TMEM107: variants seen among roughly 807,000 people sequenced by gnomAD.
TMEM107 encodes transmembrane protein 107.
TMEM107 carries 18 observed loss-of-function variants against 16.8 expected under a neutral mutation model. The ratio of observed to expected loss-of-function variants is 1.07; its 90% CI spans 0.74 to 1.59. The LOEUF (loss-of-function observed/expected upper bound fraction) is 1.59, where lower values mean the gene tolerates loss of function less well. Among genes scored for constraint, TMEM107 ranks in the 40% most tolerant of loss-of-function variants. The pLI is 0.00. For synonymous variants in TMEM107, 68 were observed against 71.6 expected (o/e 0.95, Z 0.25); for missense variants, 152 against 175.4 (o/e 0.87, Z 0.75).
At position 8,173,566 on chromosome 17, in the gene TMEM107, T is replaced by A. The variant is rs369486184; in HGVS notation, c.*637A>T. On this transcript the variant is annotated 3_prime_UTR_variant, in exon 5 of 5. Transcript: ENST00000437139. ...ATCTGCCCTCCGGAGGAGGAACAGG[T>A]AAGGATTATCCCACCTGACGATACA... is the stretch of plus-strand genomic sequence containing the variant. 19 of 765,256 alleles carry A rather than the reference T, an allele frequency of 2.5e-5. No homozygotes were observed. Among genetic ancestry groups the A allele is most frequent in the Non-Finnish European group, 3.3e-5 (14 of 417,946 alleles). The allele number at this position is 765,256 out of a possible 1,614,324, so 47.4% of individuals were successfully genotyped here.
chr17:8,175,460 G>A (rs1020438183), intron 3 of TMEM107: 4 of 593,860 alleles, frequency 6.7e-6, no homozygotes, highest in Non-Finnish European at 1.2e-5. Context: ...AAAAAGAAAC[G>A]GTGGGGTTTT....
intron 3 of TMEM107, 161 bp from the exon 4 acceptor site, chr17:8,174,777 A>G: frequency 1.5e-6 from 1 of 662,442 alleles, no homozygotes; most frequent in South Asian, 1.7e-5. Context: ...GAATTTTAGG[A>G]CAGTCATGTG....
At position 8,173,347 on chromosome 17, in the gene TMEM107, A is replaced by C. The variant is rs1482389791; in HGVS notation, c.*856T>G. On this transcript the variant is annotated 3_prime_UTR_variant, in exon 5 of 5. Transcript: ENST00000437139. ...AAAATAGACAAACAGCAATAGCAAG[A>C]CTGCAAAATAGACAAACAGCAAGGT... The C allele has an allele frequency of 8.3e-6, 5 of 602,122 alleles. No homozygotes were observed. Among genetic ancestry groups the C allele is most frequent in the Non-Finnish European group, 1.5e-5 (5 of 331,600 alleles). The allele number at this position is 602,122 out of a possible 1,614,324, so 37.3% of individuals were successfully genotyped here.
At chr17:8,175,594 A>G (rs193135549) in intron 3 of TMEM107, 163 bp downstream of exon 3, 1 of 756,300 alleles carries the variant, frequency 1.3e-6, no homozygotes, top group East Asian at 2.5e-5. Flanking sequence ...TTTTACTCTC[A>G]TTTTGGGATT....
chr17:8,173,242 A>G lies in TMEM107; in HGVS notation c.*961T>C. ...GACAAAAAACAAAGAGCCCATTTGTATTATTTCACTGCCTAAATTCCAGAA... is the reference window on the plus strand; with the variant it reads ...GACAAAAAACAAAGAGCCCATTTGTGTTATTTCACTGCCTAAATTCCAGAA... On this transcript the variant is annotated 3_prime_UTR_variant, in exon 5 of 5. Coordinates refer to ENST00000437139, the MANE Select transcript of TMEM107 (RefSeq NM_183065.4). 2 of 498,662 alleles carry G rather than the reference A, an allele frequency of 4.0e-6. No individual in the cohort carries two copies. Among genetic ancestry groups the G allele is most frequent in the Non-Finnish European group, 7.2e-6 (2 of 277,696 alleles). The allele number at this position is 498,662 out of a possible 1,614,324, so 30.9% of individuals were successfully genotyped here.
Position 8,174,358 on chromosome 17 carries a change from G to A in TMEM107, c.354-86C>T, listed in dbSNP as rs79161162. The A allele has an allele frequency of 4.8e-4, 670 of 1,390,112 alleles. 2 individuals are homozygous for A. In the African/African-American group the frequency reaches 7.7e-3, roughly 16 times the overall value. 86.1% of individuals were successfully genotyped at this position (1,390,112 alleles called of 1,614,324 possible). A position where few individuals can be genotyped will look rare whatever the true frequency, so the allele number is the denominator to read the frequency against. Reference sequence around the variant, plus strand: ...CAGAGACCCCACCTCTGAAAGTGTAGGGCAGGTGGCATGGGGGGTAGGGGA... The same window carrying A: ...CAGAGACCCCACCTCTGAAAGTGTAAGGCAGGTGGCATGGGGGGTAGGGGA... On this transcript the variant is annotated intron_variant, in intron 4 of 4. Transcript: ENST00000437139.
rs749582557 is a variant in TMEM107, at chr17:8,173,526, AATC to A, written c.*674_*676del. ...CGTTAATCACGTTTCATGCATCTCCAATCATCATGTTCTAATCTGCCCTCCGGA... is the reference window on the plus strand; with the variant it reads ...CGTTAATCACGTTTCATGCATCTCCAATCATGTTCTAATCTGCCCTCCGGA... On this transcript the variant is annotated 3_prime_UTR_variant, in exon 5 of 5. Coordinates refer to ENST00000437139, the MANE Select transcript of TMEM107 (RefSeq NM_183065.4). 7.8e-6 allele frequency: 6 copies of A among 765,310 alleles called. No homozygotes were observed. Among genetic ancestry groups the A allele is most frequent in the South Asian group, 2.7e-5 (2 of 74,624 alleles). 47.4% of individuals were successfully genotyped at this position (765,310 alleles called of 1,614,324 possible). A position where few individuals can be genotyped will look rare whatever the true frequency, so the allele number is the denominator to read the frequency against.
chr17:8,175,640 G>C (rs972589184), intron 3 of TMEM107, 117 bp downstream of exon 3: 2 of 927,324 alleles, frequency 2.2e-6, no homozygotes, highest in Non-Finnish European at 1.8e-6. Flanking sequence ...TTAGCACATC[G>C]TTGAAGATCT....
chr17:8,173,821 G>A lies in TMEM107; in HGVS notation c.*382C>T. On this transcript the variant is annotated 3_prime_UTR_variant, in exon 5 of 5. Transcript: ENST00000437139. ...TACGTGCCGGACGTTCTAACTGTAC[G>A]CACTTTCTATTTACATATCTCCGCC... is the stretch of plus-strand genomic sequence containing the variant. 1 of 496,258 alleles carries A rather than the reference G, an allele frequency of 2.0e-6. No homozygotes were observed. The allele number at this position is 496,258 out of a possible 1,614,324, so 30.7% of individuals were successfully genotyped here.
At chr17:8,175,916 C>T (rs1567554547) in intron 2 of TMEM107, 43 bp downstream of exon 2, 2 of 1,614,156 alleles carry the variant, frequency 1.2e-6, no homozygotes, top group South Asian at 2.2e-5. Flanking sequence ...CCCCTCCACT[C>T]CCACCACCTC....
rs118072727 is a variant in TMEM107 at position 8,173,429 on chromosome 17, C to T, written c.*774G>A. 134 of 759,308 alleles carry T rather than the reference C, an allele frequency of 1.8e-4. No homozygotes were observed. In the East Asian group the frequency reaches 3.0e-3, roughly 17 times the overall value. The allele number at this position is 759,308 out of a possible 1,614,324, so 47.0% of individuals were successfully genotyped here. A position where few individuals can be genotyped will look rare whatever the true frequency, so the allele number is the denominator to read the frequency against. The stretch of plus-strand genomic sequence containing the variant: ...TGGATATCTGCTAATCAGCATAACA[C>T]AAATGTAAGTGATCGTCAGAAAGAA... On this transcript the variant is annotated 3_prime_UTR_variant, in exon 5 of 5. Transcript: ENST00000437139.
chr17:8,174,380 G>T, intron 4 of TMEM107, 108 bp from the exon 5 acceptor site: 1 of 1,312,116 alleles, frequency 7.6e-7, no homozygotes, highest in South Asian at 1.2e-5. Flanking sequence ...TGGGGGGTAG[G>T]GGATGAAACT....
At position 8,173,462 on chromosome 17, in the gene TMEM107, G is replaced by C. The variant is rs374135155; in HGVS notation, c.*741C>G. On this transcript the variant is annotated 3_prime_UTR_variant, in exon 5 of 5. Coordinates refer to ENST00000437139, the MANE Select transcript of TMEM107 (RefSeq NM_183065.4). Reference sequence around the variant, plus strand: ...AGTGATCGTCAGAAAGAATCAGACAGGAGCAATCAGGGTGTTGCAAGTCCT... The same window carrying C: ...AGTGATCGTCAGAAAGAATCAGACACGAGCAATCAGGGTGTTGCAAGTCCT... The C allele has an allele frequency of 3.7e-5, 28 of 763,996 alleles. No individual in the cohort carries two copies. Among genetic ancestry groups the C allele is most frequent in the Middle Eastern group, 2.6e-4 (1 of 3,786 alleles). The allele number at this position is 763,996 out of a possible 1,614,324, so 47.3% of individuals were successfully genotyped here.
Position 8,173,945 on chromosome 17 carries a change from T to A in TMEM107, c.*258A>T. The stretch of plus-strand genomic sequence containing the variant: ...CTAGAAAACAGCGTTGTTTTTTTTT[T>A]ATTCAGTAGTTCAGCCATCTCAATT... On this transcript the variant is annotated 3_prime_UTR_variant, in exon 5 of 5. Transcript: ENST00000437139. 1 of 507,604 alleles carries A rather than the reference T, an allele frequency of 2.0e-6. No homozygotes were observed. The highest frequency in any genetic ancestry group is 3.5e-6 in the Non-Finnish European group (1 of 286,122). The allele number at this position is 507,604 out of a possible 1,614,324, so 31.4% of individuals were successfully genotyped here.
chr17:8,176,230 C>A lies in TMEM107; in HGVS notation c.57G>T (p.Leu19=). The A allele has an allele frequency of 6.2e-7, 1 of 1,614,112 alleles. No homozygotes were observed. Among genetic ancestry groups the A allele is most frequent in the South Asian group, 1.1e-5 (1 of 91,078 alleles). ...PSRFLTLLAH[L]VVVITLFWSR... ...ACCAGAATAAGGTGATGACGACCAC[C>A]AGATGCGCCAGGAGCGTCAGGAAGC... The change falls in exon 1 of 5, where the codon CTG becomes CTT. Residue 19 remains leucine, a synonymous_variant. Coordinates refer to ENST00000437139, the MANE Select transcript of TMEM107 (RefSeq NM_183065.4).
rs138702340 is a variant in TMEM107 at position 8,173,437 on chromosome 17, A to G, written c.*766T>C. 445 of 760,412 alleles carry G rather than the reference A, an allele frequency of 5.9e-4. 2 individuals carry two copies. The African/African-American group carries it at 6.4e-3, about 11-fold the overall frequency. 47.1% of individuals were successfully genotyped at this position (760,412 alleles called of 1,614,324 possible). The stretch of plus-strand genomic sequence containing the variant: ...TGCTAATCAGCATAACACAAATGTA[A>G]GTGATCGTCAGAAAGAATCAGACAG... On this transcript the variant is annotated 3_prime_UTR_variant, in exon 5 of 5. Transcript: ENST00000437139.
rs889675653 is a variant in TMEM107 at position 8,174,230 on chromosome 17, G to T, written c.396C>A (p.Val132=). ...AVTEMALFVT[V]FGLKKKPF Reference sequence around the variant, plus strand: ...AGAAGGGTTTCTTTTTCAGCCCAAAGACGGTGACGAATAAAGCCATTTCAG... The same window carrying T: ...AGAAGGGTTTCTTTTTCAGCCCAAATACGGTGACGAATAAAGCCATTTCAG... The change falls in exon 5 of 5, where the codon GTC becomes GTA. Residue 132 remains valine (V), a synonymous_variant. Transcript: ENST00000437139. 6.2e-7 allele frequency: 1 copy of T among 1,614,180 alleles called. No individual in the cohort carries two copies. Among genetic ancestry groups the T allele is most frequent in the African/African-American group, 1.3e-5 (1 of 75,052 alleles).
intron 2 of TMEM107, 41 bp from the exon 3 acceptor site, chr17:8,175,898 T>C (rs764955255): frequency 1.2e-6 from 2 of 1,614,008 alleles, no homozygotes; most frequent in South Asian, 2.2e-5. Context: ...TTTGGACTTA[T>C]TCTAAGACCC....
At position 8,173,362 on chromosome 17, in the gene TMEM107, A is replaced by T; in HGVS notation, c.*841T>A. ...CAATAGCAAGACTGCAAAATAGACA[A>T]ACAGCAAGGTTATCCCAGTCAGAAC... On this transcript the variant is annotated 3_prime_UTR_variant, in exon 5 of 5. Coordinates refer to ENST00000437139, the MANE Select transcript of TMEM107 (RefSeq NM_183065.4). 1 of 619,320 alleles carries T rather than the reference A, an allele frequency of 1.6e-6. No individual in the cohort carries two copies. The highest frequency in any genetic ancestry group is 3.0e-6 in the Non-Finnish European group (1 of 337,832). 38.4% of individuals were successfully genotyped at this position (619,320 alleles called of 1,614,324 possible).
Sources: allele counts gnomAD v4.1 joint callset, GRCh38; gene constraint gnomAD v4.1.1; transcripts MANE v1.5; gene names NCBI Gene and HGNC (gene_info 2026-07-23, HGNC 2026-07-21).